The following PLXNA4 variants were observed in gnomAD, a reference collection of about 807,000 sequenced individuals.
PLXNA4 encodes the protein plexin A4, also known as plexin-A4.
PLXNA4 carries 44 observed loss-of-function variants against 191.8 expected under a neutral mutation model. The ratio of observed to expected loss-of-function variants is 0.23; its 90% CI spans 0.18 to 0.29. The LOEUF is 0.29. Ranked by LOEUF, PLXNA4 falls within the 10% of genes least tolerant of loss-of-function variation. PLXNA4 has a pLI of 1.00. For synonymous variants in PLXNA4, 1,082 were observed against 1,009.5 expected, an observed-to-expected ratio of 1.07 and a Z score of -1.36; for missense variants, 1,800 against 2,488.8, an observed-to-expected ratio of 0.72 and a Z score of 5.89.
chr7:132,360,735 C>T (rs1057382850), intron 3 of PLXNA4, among the ~76,000 whole-genome samples: 12 of 152,204 alleles, frequency 7.9e-5, no homozygotes, highest in Non-Finnish European at 1.5e-4. Flanking sequence ...CAGAGGCCTG[C>T]GTGCTTGTAG....
At chr7:132,393,881 C>A (rs1793628770) in intron 3 of PLXNA4, among the ~76,000 whole-genome samples, 1 of 152,134 alleles carries the variant, frequency 6.6e-6, no homozygotes. Context: ...AGAAGCGGGG[C>A]TGTGTAACAA....
chr7:132,518,613 C>A (rs913859700), intron 1 of PLXNA4, among the ~76,000 whole-genome samples: 1 of 152,168 alleles, frequency 6.6e-6, no homozygotes, highest in Non-Finnish European at 1.5e-5. Context: ...GCAACCAGCC[C>A]GGTCCCAGGG....
intron 31 of PLXNA4, among the ~76,000 whole-genome samples, chr7:132,131,006 C>T (rs566228927): frequency 6.6e-6 from 1 of 152,174 alleles, no homozygotes; most frequent in African/African-American, 2.4e-5. Context: ...AGACATCCCA[C>T]CCTTCCTCCC....
chr7:132,205,516 TGAGA>T (rs150848387), intron 10 of PLXNA4, among the ~76,000 whole-genome samples: 11 of 150,226 alleles, frequency 7.3e-5, no homozygotes, highest in African/African-American at 1.2e-4. Flanking sequence ...TGTGTGTGTG[TGAGA>T]GAGAGAGAGA....
In PLXNA4 at chr7:132,191,772, A is replaced by ATCTCTCTCTCTCTCTCTCTCTCTCTCTC. The variant is rs145828587; in HGVS notation, c.2856+2289_2856+2290insGAGAGAGAGAGAGAGAGAGAGAGAGAGA. 9.6e-4 allele frequency among the ~76,000 whole-genome samples: 137 copies of ATCTCTCTCTCTCTCTCTCTCTCTCTCTC among 142,732 alleles called. 1 individual carries two copies. The highest frequency in any genetic ancestry group is 4.6e-3 in the East Asian group (22 of 4,834). The allele number at this position is 142,732 out of a possible 152,430, so 93.6% of individuals were successfully genotyped here. The stretch of plus-strand genomic sequence containing the variant: ...GGCGAATGTCATCCCTCCTCTCTCC[A>ATCTCTCTCTCTCTCTCTCTCTCTCTCTC]TCTCTCTCTCTCTCTCTCTCTCTGT... On this transcript the variant is annotated intron_variant, in intron 14 of 31. Coordinates refer to ENST00000321063, the MANE Select transcript of PLXNA4 (RefSeq NM_020911.2).
intron 1 of PLXNA4, chr7:132,648,439 C>T (rs1405326168): frequency 6.6e-6 from 1 of 152,256 alleles, no homozygotes; most frequent in Non-Finnish European, 1.5e-5. Context: ...TCTGCCTTCA[C>T]ACTCTCAACA....
At chr7:132,205,182 G>T (rs1451799611) in intron 10 of PLXNA4, among the ~76,000 whole-genome samples, 1 of 152,194 alleles carries the variant, frequency 6.6e-6, no homozygotes. Context: ...TGTCTCTGCA[G>T]CTGGGTCAGG....
In PLXNA4 at chr7:132,181,477, G is replaced by A. The variant is rs751291817; in HGVS notation, c.3396C>T (p.Asn1132=). 3.7e-6 allele frequency: 6 copies of A among 1,614,176 alleles called. No individual in the cohort carries two copies. Among genetic ancestry groups the A allele is most frequent in the Non-Finnish European group, 5.1e-6 (6 of 1,180,018 alleles). The change falls in exon 18 of 32, where the codon AAC becomes AAT. Residue 1132 remains asparagine, a synonymous_variant. Transcript: ENST00000321063. ...TGGGATAGTAGGTGAAGTTGGTCTTGTTGAGGATGAGCAGGGACTGGACGT... is the reference window on the plus strand; with the variant it reads ...TGGGATAGTAGGTGAAGTTGGTCTTATTGAGGATGAGCAGGGACTGGACGT... ...LDNVQSLLIL[N]KTNFTYYPNP...
intron 2 of PLXNA4, among the ~76,000 whole-genome samples, chr7:132,497,670 T>A (rs1798081628): frequency 6.6e-6 from 1 of 152,214 alleles, no homozygotes; most frequent in South Asian, 2.1e-4. Flanking sequence ...CCAGAAGGTC[T>A]GCCTTCAGAC....
chr7:132,563,457 CT>C, intron 1 of PLXNA4, among the ~76,000 whole-genome samples: 4 of 98,882 alleles, frequency 4.0e-5, no homozygotes, highest in Non-Finnish European at 6.1e-5. Flanking sequence ...CCTCCTCCTC[CT>C]TCTCCTCCTC....
chr7:132,163,782 C>A (rs986766015), intron 24 of PLXNA4, among the ~76,000 whole-genome samples: 2 of 152,212 alleles, frequency 1.3e-5, no homozygotes, highest in African/African-American at 4.8e-5. Flanking sequence ...GTCCCCCACT[C>A]TCTGCCTGCA....
intron 1 of PLXNA4, among the ~76,000 whole-genome samples, chr7:132,561,739 CCTCCTT>C (rs1203856450): frequency 7.1e-6 from 1 of 140,190 alleles, no homozygotes; most frequent in African/African-American, 2.8e-5. Flanking sequence ...TCCTCCTCCT[CCTCCTT>C]CTTCTCCTCC....
intron 2 of PLXNA4, among the ~76,000 whole-genome samples, chr7:132,493,372 G>A (rs1486555740): frequency 6.6e-6 from 1 of 152,148 alleles, no homozygotes; most frequent in Admixed American, 6.5e-5. Flanking sequence ...GTTTATTAGA[G>A]AGCAACTCTA....
intron 2 of PLXNA4, among the ~76,000 whole-genome samples, chr7:132,608,513 G>A (rs2116850710): frequency 6.6e-6 from 1 of 152,284 alleles, no homozygotes; most frequent in South Asian, 2.1e-4. Flanking sequence ...AGTGCTCTCA[G>A]AGAAAGCTGG....
intron 3 of PLXNA4, among the ~76,000 whole-genome samples, chr7:132,364,970 G>T (rs1180696630): frequency 1.3e-5 from 2 of 152,192 alleles, no homozygotes; most frequent in Non-Finnish European, 2.9e-5. Flanking sequence ...AGCTCTCAGG[G>T]TTATTGTCCC....
chr7:132,383,147 C>G (rs1804967825), intron 3 of PLXNA4, among the ~76,000 whole-genome samples: 1 of 152,194 alleles, frequency 6.6e-6, no homozygotes, highest in South Asian at 2.1e-4. Context: ...CTCCCTCTCT[C>G]TGAAGCCCAC....
chr7:132,458,853 C>T (rs948919891), intron 3 of PLXNA4, among the ~76,000 whole-genome samples: 1 of 152,132 alleles, frequency 6.6e-6, no homozygotes, highest in Non-Finnish European at 1.5e-5. Context: ...AGTCCCTCTG[C>T]CAAGCCCATC....
chr7:132,461,866 C>T (rs1796518422), intron 3 of PLXNA4, among the ~76,000 whole-genome samples: 1 of 152,182 alleles, frequency 6.6e-6, no homozygotes, highest in African/African-American at 2.4e-5. Flanking sequence ...ATATTATTCC[C>T]TTCATGGGGG....
intron 5 of PLXNA4, 145 bp from the exon 6 acceptor site, chr7:132,228,614 A>C: frequency 9.4e-7 from 1 of 1,069,468 alleles, no homozygotes; most frequent in Non-Finnish European, 1.3e-6. Flanking sequence ...GTCCTTCCTC[A>C]AGCCTGGTCC....
Sources: gnomAD v4.1 joint callset for allele counts (sites outside exome capture counted in the v4.1 genomes callset) on GRCh38, gnomAD v4.1.1 for gene constraint, MANE v1.5 for transcripts, NCBI Gene and HGNC (gene_info 2026-07-23, HGNC 2026-07-21) for gene names.